The following AGBL4 variants were observed in gnomAD, a reference collection of about 807,000 sequenced individuals.
AGBL4 encodes the protein cytosolic carboxypeptidase 6.
Under a neutral mutation model 66.4 loss-of-function variants are expected in AGBL4, and 58 were observed. The ratio of observed to expected loss-of-function variants is 0.87; its 90% CI spans 0.71 to 1.09. The LOEUF (loss-of-function observed/expected upper bound fraction) is 1.09, where lower values mean the gene tolerates loss of function less well. Ranked by LOEUF, AGBL4 falls within the 50% of genes least tolerant of loss-of-function variation. The pLI, the probability that AGBL4 is intolerant of heterozygous loss-of-function variation, is 0.00. For missense variants in AGBL4, 579 were observed against 631.0 expected (o/e 0.92, Z 0.88); for synonymous variants, 234 against 222.9 (o/e 1.05, Z -0.44).
At chr1:49,146,244 A>G (rs1646215393) in intron 4 of AGBL4, among the ~76,000 whole-genome samples, 1 of 152,160 alleles carries the variant, frequency 6.6e-6, no homozygotes. Flanking sequence ...AAAAATAACC[A>G]AAAGATTATA....
chr1:49,029,223 T>C (rs1367188984), intron 5 of AGBL4, among the ~76,000 whole-genome samples: 2 of 152,030 alleles, frequency 1.3e-5, no homozygotes, highest in African/African-American at 4.8e-5. Context: ...GCCCAGGTAA[T>C]TAGGTGAGAA....
chr1:49,317,567 G>A (rs1358657768), intron 3 of AGBL4, among the ~76,000 whole-genome samples: 1 of 151,816 alleles, frequency 6.6e-6, no homozygotes, highest in African/African-American at 2.4e-5. Flanking sequence ...AATAGGCTTA[G>A]AGATCCCCAT....
At chr1:48,652,929 G>A (rs568440750) in intron 8 of AGBL4, among the ~76,000 whole-genome samples, 1 of 152,104 alleles carries the variant, frequency 6.6e-6, no homozygotes, top group East Asian at 1.9e-4. Flanking sequence ...ACTACCCCAC[G>A]ATATTCTGCA....
chr1:49,637,467 AT>A (rs1018278007), intron 3 of AGBL4, among the ~76,000 whole-genome samples: 32 of 151,220 alleles, frequency 2.1e-4, no homozygotes, highest in African/African-American at 7.3e-4. Context: ...CGCCCAGCTA[AT>A]TTTTTTGTAT....
At chr1:49,383,950 C>T (rs1292417643) in intron 3 of AGBL4, among the ~76,000 whole-genome samples, 3 of 152,006 alleles carry the variant, frequency 2.0e-5, no homozygotes, top group Non-Finnish European at 4.4e-5. Context: ...CTGTGTACCA[C>T]TACGCCCAGC....
intron 4 of AGBL4, among the ~76,000 whole-genome samples, chr1:49,222,004 C>T (rs919563602): frequency 6.6e-6 from 1 of 152,034 alleles, no homozygotes; most frequent in Non-Finnish European, 1.5e-5. Flanking sequence ...AACGGAAGGG[C>T]CTAATTCCTA....
intron 2 of AGBL4, among the ~76,000 whole-genome samples, chr1:49,766,434 G>C (rs1197168910): frequency 6.6e-6 from 1 of 152,012 alleles, no homozygotes; most frequent in Non-Finnish European, 1.5e-5. Context: ...AGAACCTAAA[G>C]GGAGTTCTAA....
At chr1:49,729,069 C>T (rs928209944) in intron 2 of AGBL4, among the ~76,000 whole-genome samples, 8 of 152,072 alleles carry the variant, frequency 5.3e-5, no homozygotes, top group Non-Finnish European at 2.9e-5. Context: ...AGAATTAAAC[C>T]TTATCTAAGA....
intron 9 of AGBL4, among the ~76,000 whole-genome samples, chr1:48,626,075 T>A (rs575044361): frequency 6.6e-6 from 1 of 152,340 alleles, no homozygotes; most frequent in South Asian, 2.1e-4. Context: ...TATTTCCATA[T>A]TGAACCTTTC....
intron 2 of AGBL4, among the ~76,000 whole-genome samples, chr1:49,739,987 G>A (rs544616332): frequency 2.2e-4 from 33 of 152,256 alleles, no homozygotes; most frequent in African/African-American, 7.9e-4. Flanking sequence ...GGAAGAAACT[G>A]CATCAACTAA....
At chr1:49,747,027 A>G (rs747139360) in intron 2 of AGBL4, among the ~76,000 whole-genome samples, 3 of 152,174 alleles carry the variant, frequency 2.0e-5, no homozygotes, top group Non-Finnish European at 4.4e-5. Context: ...CACATATCTC[A>G]CAAATGTAGA....
chr1:49,012,849 G>T (rs1022320958), intron 5 of AGBL4, among the ~76,000 whole-genome samples: 3 of 152,208 alleles, frequency 2.0e-5, no homozygotes, highest in Admixed American at 2.0e-4. Context: ...GCATTAAGAG[G>T]TGGGACCTGT....
chr1:48,946,618 C>A (rs556101010), intron 5 of AGBL4, among the ~76,000 whole-genome samples: 1 of 152,354 alleles, frequency 6.6e-6, no homozygotes, highest in African/African-American at 2.4e-5. Context: ...AAAGTTAGCT[C>A]ACTCTGTGTC....
intron 3 of AGBL4, among the ~76,000 whole-genome samples, chr1:49,668,354 G>C (rs918695955): frequency 6.6e-6 from 1 of 152,058 alleles, no homozygotes; most frequent in Non-Finnish European, 1.5e-5. Flanking sequence ...AGATGTCCAA[G>C]CACATTGATT....
intron 8 of AGBL4, among the ~76,000 whole-genome samples, chr1:48,644,573 C>T (rs1645805889): frequency 6.6e-6 from 1 of 152,090 alleles, no homozygotes; most frequent in Non-Finnish European, 1.5e-5. Flanking sequence ...AGGGAAGAAA[C>T]AGTTAAAAGG....
intron 3 of AGBL4, among the ~76,000 whole-genome samples, chr1:49,492,606 T>C (rs1043277414): frequency 9.9e-5 from 15 of 151,902 alleles, no homozygotes; most frequent in Non-Finnish European, 1.9e-4. Flanking sequence ...AATAGGACTA[T>C]CAGATTTCAA....
At chr1:49,746,263 G>A (rs896643519) in intron 2 of AGBL4, among the ~76,000 whole-genome samples, 1 of 151,864 alleles carries the variant, frequency 6.6e-6, no homozygotes, top group African/African-American at 2.4e-5. Context: ...CATGAATTAC[G>A]CTTTCTGAAT....
intron 3 of AGBL4, among the ~76,000 whole-genome samples, chr1:49,274,017 G>C (rs1187478943): frequency 6.6e-6 from 1 of 152,156 alleles, no homozygotes; most frequent in Non-Finnish European, 1.5e-5. Flanking sequence ...GCCCAAAAAA[G>C]AGAGAAGAGA....
intron 5 of AGBL4, among the ~76,000 whole-genome samples, chr1:48,991,598 T>C (rs1660610310): frequency 6.6e-6 from 1 of 152,190 alleles, no homozygotes; most frequent in East Asian, 1.9e-4. Context: ...CTCTTGAGGC[T>C]AGTAAGTCTT....
Sources: allele counts gnomAD v4.1 joint callset (sites outside exome capture counted in the v4.1 genomes callset), GRCh38; gene constraint gnomAD v4.1.1; transcripts MANE v1.5; gene names NCBI Gene and HGNC (gene_info 2026-07-23, HGNC 2026-07-21).